Variants in CTNNA3 observed in about 807,000 individuals in gnomAD.
CTNNA3 encodes catenin alpha-3.
Under a neutral mutation model 95.7 loss-of-function variants are expected in CTNNA3, and 76 were observed. The observed-to-expected ratio is 0.79, with a 90% CI of 0.66 to 0.96. The LOEUF (loss-of-function observed/expected upper bound fraction) is 0.96. CTNNA3 is among the 40% of genes least tolerant of loss of function. The probability of loss-of-function intolerance (pLI) is 0.00; values close to 1 mark genes in which losing one functional copy is unlikely to be tolerated. For synonymous variants in CTNNA3, 431 were observed against 374.4 expected (o/e 1.15, Z -1.74); for missense variants, 1,191 against 1,089.8 (o/e 1.09, Z -1.31).
At chr10:66,185,111 A>G (rs966687050) in intron 13 of CTNNA3, among the ~76,000 whole-genome samples, 21 of 152,184 alleles carry the variant, frequency 1.4e-4, no homozygotes, top group Non-Finnish European at 2.8e-4. Flanking sequence ...GACCTCTCCT[A>G]TCTTTCCTAC....
chr10:66,738,886 C>T (rs1245448002), intron 9 of CTNNA3, among the ~76,000 whole-genome samples: 2 of 152,178 alleles, frequency 1.3e-5, no homozygotes, highest in African/African-American at 4.8e-5. Context: ...TACAGTTCTA[C>T]TTATAATTTG....
chr10:66,154,819 A>G (rs1411516607), intron 13 of CTNNA3, among the ~76,000 whole-genome samples: 2 of 148,356 alleles, frequency 1.3e-5, no homozygotes, highest in East Asian at 2.0e-4. Flanking sequence ...AGAAAGCAAT[A>G]TAACAAGATG....
At chr10:67,245,641 C>G (rs1013501123) in intron 5 of CTNNA3, among the ~76,000 whole-genome samples, 6 of 152,036 alleles carry the variant, frequency 3.9e-5, no homozygotes, top group Non-Finnish European at 8.8e-5. Flanking sequence ...GGGCGGATCA[C>G]GAAGTCAAGA....
intron 5 of CTNNA3, among the ~76,000 whole-genome samples, chr10:67,262,838 G>A (rs192380983): frequency 6.6e-6 from 1 of 152,248 alleles, no homozygotes; most frequent in African/African-American, 2.4e-5. Context: ...ACACAAAGGG[G>A]AAGTGAAAAA....
At chr10:67,682,342 C>T (rs1450611450) in intron 1 of CTNNA3, among the ~76,000 whole-genome samples, 1 of 148,940 alleles carries the variant, frequency 6.7e-6, no homozygotes. Context: ...AAAAAAAAGA[C>T]TCAATAGAAA....
At chr10:67,660,503 A>G (rs1589545398) in intron 1 of CTNNA3, among the ~76,000 whole-genome samples, 1 of 152,202 alleles carries the variant, frequency 6.6e-6, no homozygotes, top group South Asian at 2.1e-4. Flanking sequence ...AAAAGCCACA[A>G]ACACTCATCT....
chr10:67,112,510 G>C lies in CTNNA3; in HGVS notation c.1047+67807C>G, dbSNP rs1321268492. 2.0e-5 allele frequency among the ~76,000 whole-genome samples: 3 copies of C among 152,194 alleles called. No homozygotes were observed. The East Asian group carries it at 5.8e-4, about 29-fold the overall frequency. On this transcript the variant is annotated intron_variant, in intron 7 of 17. Coordinates refer to ENST00000433211, the MANE Select transcript of CTNNA3 (RefSeq NM_013266.4). ...CAAGTTTACCTTGTTTTCCTTCTGA[G>C]ATAAAGGTAAGCAGAATGGATAAAG...
intron 7 of CTNNA3, among the ~76,000 whole-genome samples, chr10:67,103,956 G>A (rs1376420739): frequency 6.6e-6 from 1 of 151,654 alleles, no homozygotes; most frequent in African/African-American, 2.4e-5. Context: ...TCCCTAAAAA[G>A]AGTAGACATT....
intron 1 of CTNNA3, among the ~76,000 whole-genome samples, chr10:67,727,119 TATA>T (rs1231361350): frequency 8.3e-6 from 1 of 120,256 alleles, no homozygotes; most frequent in African/African-American, 3.2e-5. Context: ...ACATATATGA[TATA>T]ATTATATAAT....
chr10:66,119,740 C>A (rs529994953), intron 13 of CTNNA3, among the ~76,000 whole-genome samples: 33 of 144,008 alleles, frequency 2.3e-4, no homozygotes, highest in African/African-American at 7.3e-4. Flanking sequence ...TTCATGTATT[C>A]AATCAATTTT....
At chr10:66,039,620 G>A (rs2079640946) in intron 15 of CTNNA3, among the ~76,000 whole-genome samples, 1 of 152,074 alleles carries the variant, frequency 6.6e-6, no homozygotes, top group South Asian at 2.1e-4. Context: ...ACAAAAACAG[G>A]CAGTGCAGAA....
At chr10:66,347,087 TATAG>T (rs1207039641) in intron 12 of CTNNA3, among the ~76,000 whole-genome samples, 1 of 152,094 alleles carries the variant, frequency 6.6e-6, no homozygotes, top group African/African-American at 2.4e-5. Context: ...TTTCTTTGTC[TATAG>T]ATAGAGATAT....
chr10:67,130,752 A>G (rs1043496935), intron 7 of CTNNA3, among the ~76,000 whole-genome samples: 4 of 152,064 alleles, frequency 2.6e-5, no homozygotes, highest in Non-Finnish European at 2.9e-5. Flanking sequence ...TGGAGCATCA[A>G]TGGGTCCTGG....
chr10:66,534,506 A>T (rs1841585207), intron 10 of CTNNA3, among the ~76,000 whole-genome samples: 1 of 129,596 alleles, frequency 7.7e-6, no homozygotes, highest in Admixed American at 8.0e-5. Flanking sequence ...ATATATGTAT[A>T]TATATGATTT....
chr10:67,486,713 C>T (rs1848463684), intron 5 of CTNNA3, among the ~76,000 whole-genome samples: 1 of 152,072 alleles, frequency 6.6e-6, no homozygotes, highest in Non-Finnish European at 1.5e-5. Context: ...CATATTTATG[C>T]CTGAATAAGA....
chr10:66,474,919 T>G (rs893395395), intron 11 of CTNNA3, among the ~76,000 whole-genome samples: 26 of 152,050 alleles, frequency 1.7e-4, no homozygotes, highest in Non-Finnish European at 3.4e-4. Context: ...TTTTGCTTTG[T>G]TTTTTGCTAT....
At chr10:66,955,829 A>G in intron 7 of CTNNA3, among the ~76,000 whole-genome samples, 1 of 152,128 alleles carries the variant, frequency 6.6e-6, no homozygotes, top group East Asian at 1.9e-4. Context: ...CAGATGAGGG[A>G]TTTCAAATTC....
At chr10:66,860,494 C>T (rs1407866540) in intron 7 of CTNNA3, among the ~76,000 whole-genome samples, 1 of 152,142 alleles carries the variant, frequency 6.6e-6, no homozygotes, top group Non-Finnish European at 1.5e-5. Flanking sequence ...GCAAATTCTA[C>T]AGTCGGCAGA....
chr10:67,726,470 A>G (rs1353954517), intron 1 of CTNNA3, among the ~76,000 whole-genome samples: 1 of 55,744 alleles, frequency 1.8e-5, no homozygotes, highest in South Asian at 7.5e-4. Context: ...TATATGATAT[A>G]ATATTATATA....
Sources: allele counts gnomAD v4.1 joint callset (sites outside exome capture counted in the v4.1 genomes callset), GRCh38; gene constraint gnomAD v4.1.1; transcripts MANE v1.5; gene names NCBI Gene and HGNC (gene_info 2026-07-23, HGNC 2026-07-21).